KCNQ2: variants seen among roughly 807,000 people sequenced by gnomAD.
KCNQ2 encodes potassium voltage-gated channel subfamily KQT member 2.
KCNQ2 carries 14 observed loss-of-function variants against 84.8 expected under a neutral mutation model. The ratio of observed to expected loss-of-function variants is 0.17; its 90% CI spans 0.11 to 0.26. The LOEUF is 0.26. Ranked by LOEUF, KCNQ2 falls within the 10% of genes least tolerant of loss-of-function variation. KCNQ2 has a pLI of 1.00. For synonymous variants in KCNQ2, 599 were observed against 554.1 expected, an observed-to-expected ratio of 1.08 and a Z score of -1.14; for missense variants, 788 against 1,254.0, an observed-to-expected ratio of 0.63 and a Z score of 5.61.
At chr20:63,413,730 A>G in intron 14 of KCNQ2, 149 bp from the exon 15 acceptor site, 1 of 941,848 alleles carries the variant, frequency 1.1e-6, no homozygotes, top group South Asian at 1.5e-5. Flanking sequence ...CACACACAGA[A>G]GGGCCTTTAT....
chr20:63,408,595 C>A lies in KCNQ2; in HGVS notation c.1764-59G>T. The stretch of plus-strand genomic sequence containing the variant: ...GGGTGGGTGCAGCAGGGCCCCTGCC[C>A]TCTCCTCCTGGACCAGGCCACAGTG... On this transcript the variant is annotated intron_variant, in intron 15 of 16. Transcript: ENST00000359125. The surrounding 1 kb of genome is among the most constrained non-coding windows in gnomAD (Gnocchi z 5.0). The A allele has an allele frequency of 6.3e-7, 1 of 1,592,412 alleles. No individual in the cohort carries two copies. Among genetic ancestry groups the A allele is most frequent in the East Asian group, 2.3e-5 (1 of 44,154 alleles).
chr20:63,411,438 G>A (rs952878200), intron 15 of KCNQ2, among the ~76,000 whole-genome samples: 2 of 152,210 alleles, frequency 1.3e-5, no homozygotes, highest in South Asian at 2.1e-4. Context: ...AGGGATGTCT[G>A]TGCAGGTCTG....
intron 1 of KCNQ2, among the ~76,000 whole-genome samples, chr20:63,469,071 C>G (rs1025527462): frequency 1.1e-4 from 17 of 152,222 alleles, no homozygotes; most frequent in Admixed American, 1.0e-3. Context: ...CGAGGAGGTT[C>G]AACTCCGTGG....
chr20:63,428,072 C>T (rs561762558), intron 10 of KCNQ2, among the ~76,000 whole-genome samples: 2 of 152,320 alleles, frequency 1.3e-5, no homozygotes, highest in African/African-American at 2.4e-5. Context: ...CTTTGTCGTA[C>T]GACCCACGCG....
rs2081060801 is a variant in KCNQ2, at chr20:63,438,195, G to A, written c.1023+430C>T. 3.5e-6 allele frequency: 1 copy of A among 285,282 alleles called. No homozygotes were observed. Among genetic ancestry groups the A allele is most frequent in the South Asian group, 3.9e-5 (1 of 25,498 alleles). The allele number at this position is 285,282 out of a possible 1,614,324, so 17.7% of individuals were successfully genotyped here. A position where few individuals can be genotyped will look rare whatever the true frequency, so the allele number is the denominator to read the frequency against. Reference sequence around the variant, plus strand: ...CACGCTACCCACCCCCAAATGGTGGGACGGCACTGGGTGGGGTCCGGGCGG... The same window carrying A: ...CACGCTACCCACCCCCAAATGGTGGAACGGCACTGGGTGGGGTCCGGGCGG... On this transcript the variant is annotated intron_variant, in intron 7 of 16. Transcript: ENST00000359125. This position sits in a 1 kb window ranked among gnomAD's most constrained non-coding sequence, Gnocchi z 5.1.
At chr20:63,443,745 T>C (rs11908609) in intron 4 of KCNQ2, 12,111 of 152,338 alleles carry the variant, frequency 0.08, 777 homozygotes, top group African/African-American at 0.15. Flanking sequence ...CCAGGGTCGG[T>C]GGCAGGGCTG....
At chr20:63,418,682 C>A (rs1430700093) in intron 12 of KCNQ2, among the ~76,000 whole-genome samples, 1 of 152,232 alleles carries the variant, frequency 6.6e-6, no homozygotes, top group Non-Finnish European at 1.5e-5. Flanking sequence ...CCCCAGCAGG[C>A]CATGCCCCAG....
chr20:63,439,194 G>A (rs544306797), intron 6 of KCNQ2, among the ~76,000 whole-genome samples: 58 of 152,256 alleles, frequency 3.8e-4, no homozygotes, highest in African/African-American at 1.3e-3. Context: ...GGGCAACAAG[G>A]GTTGACAGGG....
intron 10 of KCNQ2, among the ~76,000 whole-genome samples, chr20:63,426,326 C>A (rs750503427): frequency 5.3e-5 from 8 of 152,192 alleles, no homozygotes; most frequent in Non-Finnish European, 1.2e-4. Flanking sequence ...AGGCTGCAGC[C>A]GCACACCTGG....
chr20:63,431,506 G>C, intron 8 of KCNQ2, 137 bp from the exon 9 acceptor site: 2 of 969,636 alleles, frequency 2.1e-6, no homozygotes, highest in South Asian at 1.3e-5. Context: ...CACAAGGGCT[G>C]GTTCTGTCCC....
At position 63,472,595 on chromosome 20, in the gene KCNQ2, C is replaced by T; in HGVS notation, c.-132G>A. ...CGAGGCGGCGGTTCCGCACTCCTGC[C>T]GGGCTTGGGCCGCGCGCGGAGACGC... is the stretch of plus-strand genomic sequence containing the variant. On this transcript the variant is annotated 5_prime_UTR_variant, in exon 1 of 17. Coordinates refer to ENST00000359125, the MANE Select transcript of KCNQ2 (RefSeq NM_172107.4). 1.4e-6 allele frequency: 1 copy of T among 722,046 alleles called. No homozygotes were observed. Among genetic ancestry groups the T allele is most frequent in the South Asian group, 6.6e-5 (1 of 15,200 alleles). 44.7% of individuals were successfully genotyped at this position (722,046 alleles called of 1,614,324 possible). A position where few individuals can be genotyped will look rare whatever the true frequency, so the allele number is the denominator to read the frequency against.
At chr20:63,443,418 CCACCAT>C (rs1568937811) in intron 4 of KCNQ2, among the ~76,000 whole-genome samples, 16,133 of 42,384 alleles carry the variant, frequency 0.38, 2,170 homozygotes, top group Non-Finnish European at 0.53. Context: ...ATCACCATCA[CCACCAT>C]CATCACCATC....
rs377423268 is a variant in KCNQ2 at position 63,469,555 on chromosome 20, C to T, written c.296+2613G>A. Among the ~76,000 whole-genome samples, 114 of 152,370 alleles carry T rather than the reference C, an allele frequency of 7.5e-4. 5 individuals carry two copies. In the South Asian group the frequency reaches 0.023, roughly 31 times the overall value. On this transcript the variant is annotated intron_variant, in intron 1 of 16. Coordinates refer to ENST00000359125, the MANE Select transcript of KCNQ2 (RefSeq NM_172107.4). ...CTCTCTACCCCAGACAGTGGCTACC[C>T]CGGGTCCAACAGGGATGCCCAGAGA...
intron 7 of KCNQ2, among the ~76,000 whole-genome samples, chr20:63,436,186 C>T (rs990899289): frequency 3.3e-5 from 5 of 152,128 alleles, no homozygotes; most frequent in African/African-American, 4.8e-5. Flanking sequence ...AGAAATCTTT[C>T]GTGAAAGGAA....
intron 1 of KCNQ2, among the ~76,000 whole-genome samples, chr20:63,458,322 C>A (rs890901945): frequency 3.3e-5 from 5 of 152,188 alleles, no homozygotes; most frequent in African/African-American, 1.2e-4. Flanking sequence ...ATAGACCCCA[C>A]CCTGGCCTGG....
In KCNQ2 at chr20:63,446,712, G is replaced by A; in HGVS notation, c.387+35C>T. On this transcript the variant is annotated intron_variant, in intron 2 of 16. Coordinates refer to ENST00000359125, the MANE Select transcript of KCNQ2 (RefSeq NM_172107.4). The surrounding 1 kb of genome is among the most constrained non-coding windows in gnomAD (Gnocchi z 5.5). ...CCCAGGCAGCTCCAGCTCCTTCCTG[G>A]GCACTTCCAGCCCCCGCCCTCCCTC... is the stretch of plus-strand genomic sequence containing the variant. 6.4e-7 allele frequency: 1 copy of A among 1,565,774 alleles called. No individual in the cohort carries two copies. The highest frequency in any genetic ancestry group is 8.8e-7 in the Non-Finnish European group (1 of 1,136,764).
At chr20:63,429,097 GC>G (rs1340848246) in intron 9 of KCNQ2, among the ~76,000 whole-genome samples, 2 of 151,642 alleles carry the variant, frequency 1.3e-5, no homozygotes, top group Non-Finnish European at 2.9e-5. Flanking sequence ...GTCCGGGCCC[GC>G]CGAAGCCCCC....
rs994210635 is a variant in KCNQ2 at position 63,403,685 on chromosome 20, G to A, written c.*2959C>T. 1 of 152,230 alleles carries A rather than the reference G, an allele frequency of 6.6e-6. No homozygotes were observed. Among genetic ancestry groups the A allele is most frequent in the Non-Finnish European group, 1.5e-5 (1 of 68,064 alleles). The allele number at this position is 152,230 out of a possible 1,614,324, so 9.4% of individuals were successfully genotyped here. ...CATGGTCTATACAGGTGTGGTCAGTGCACATGTGTGCTATGTGGTCTGTGT... is the reference window on the plus strand; with the variant it reads ...CATGGTCTATACAGGTGTGGTCAGTACACATGTGTGCTATGTGGTCTGTGT... On this transcript the variant is annotated 3_prime_UTR_variant, in exon 17 of 17. Coordinates refer to ENST00000359125, the MANE Select transcript of KCNQ2 (RefSeq NM_172107.4).
intron 4 of KCNQ2, 124 bp from the exon 5 acceptor site, chr20:63,442,655 AC>A: frequency 1.3e-6 from 1 of 745,022 alleles, no homozygotes; most frequent in Non-Finnish European, 2.2e-6. Flanking sequence ...AACCATCACC[AC>A]CACCATCACC....
Sources: gnomAD v4.1 joint callset for allele counts (sites outside exome capture counted in the v4.1 genomes callset) on GRCh38, gnomAD v4.1.1 for gene constraint, Gnocchi (gnomAD v3.1) non-coding constraint, MANE v1.5 for transcripts, NCBI Gene and HGNC (gene_info 2026-07-23, HGNC 2026-07-21) for gene names.